NRXN3: variants seen among roughly 807,000 people sequenced by gnomAD.
NRXN3 encodes neurexin 3.
In NRXN3, 32 loss-of-function variants were observed where a neutral mutation model predicts 137.6. The observed-to-expected ratio is 0.23, with a 90% CI of 0.18 to 0.31. The LOEUF (loss-of-function observed/expected upper bound fraction) is 0.31. Ranked by LOEUF, NRXN3 falls within the 10% of genes least tolerant of loss-of-function variation. The probability of loss-of-function intolerance (pLI) is 1.00; values close to 1 mark genes in which losing one functional copy is unlikely to be tolerated. For missense variants in NRXN3, 1,574 were observed against 2,062.5 expected (o/e 0.76, Z 4.59); for synonymous variants, 798 against 784.5 (o/e 1.02, Z -0.29).
At chr14:79,477,043 CAT>C (rs2096565942) in intron 16 of NRXN3, among the ~76,000 whole-genome samples, 1 of 151,752 alleles carries the variant, frequency 6.6e-6, no homozygotes, top group African/African-American at 2.4e-5. Context: ...GAATGAAAAT[CAT>C]ATGTACGAAT....
At chr14:79,602,569 A>G (rs753623812) in intron 16 of NRXN3, among the ~76,000 whole-genome samples, 3 of 152,150 alleles carry the variant, frequency 2.0e-5, no homozygotes, top group Non-Finnish European at 4.4e-5. Flanking sequence ...GGGTTTGGCC[A>G]GTTCTTGGGG....
chr14:79,145,979 C>T (rs1043272484), intron 15 of NRXN3, among the ~76,000 whole-genome samples: 3 of 152,300 alleles, frequency 2.0e-5, no homozygotes, highest in Non-Finnish European at 2.9e-5. Context: ...TTCAAGTTCA[C>T]ACAGCTAATA....
chr14:78,562,064 T>C (rs2096791368), intron 4 of NRXN3, among the ~76,000 whole-genome samples: 1 of 152,202 alleles, frequency 6.6e-6, no homozygotes, highest in Non-Finnish European at 1.5e-5. Flanking sequence ...TGAATGTGGA[T>C]AGGCCCTATG....
intron 4 of NRXN3, among the ~76,000 whole-genome samples, chr14:78,506,643 GTTTTTTTTTTTTTTTT>G (rs71131653): frequency 0.52 from 55,383 of 106,314 alleles, 11,877 homozygotes; most frequent in East Asian, 0.6. Context: ...TCTCATTGTA[GTTTTTTTTTTTTTTTT>G]TTTTTTTTTT....
At chr14:79,400,093 A>G (rs1168944615) in intron 15 of NRXN3, among the ~76,000 whole-genome samples, 2 of 152,212 alleles carry the variant, frequency 1.3e-5, no homozygotes, top group Non-Finnish European at 2.9e-5. Flanking sequence ...CTAATCCAAT[A>G]TGACCTCATT....
In NRXN3 at chr14:78,984,058, C is replaced by T. The variant is rs547357209; in HGVS notation, c.3143-3964C>T. 2.1e-4 allele frequency among the ~76,000 whole-genome samples: 32 copies of T among 150,632 alleles called. No individual in the cohort carries two copies. The East Asian group carries it at 3.9e-3, about 19-fold the overall frequency. ...AGAATAGAATAGTGGCTATAGGAGG[C>T]GGGGGGAGGGGATGGATGGAAAAAT... On this transcript the variant is annotated intron_variant, in intron 14 of 20. Coordinates refer to ENST00000335750, the MANE Select transcript of NRXN3 (RefSeq NM_001330195.2).
At chr14:79,456,571 A>C (rs2096260288) in intron 15 of NRXN3, among the ~76,000 whole-genome samples, 1 of 152,128 alleles carries the variant, frequency 6.6e-6, no homozygotes. Flanking sequence ...TACTAAAAAT[A>C]CAAAAATTAT....
At chr14:79,163,906 T>A (rs72688916) in intron 15 of NRXN3, among the ~76,000 whole-genome samples, 1 of 95,584 alleles carries the variant, frequency 1.0e-5, no homozygotes, top group African/African-American at 3.2e-5. Flanking sequence ...ACAACAACAA[T>A]AATATTTTCT....
At chr14:79,674,624 G>A (rs903179437) in intron 17 of NRXN3, among the ~76,000 whole-genome samples, 2 of 151,906 alleles carry the variant, frequency 1.3e-5, no homozygotes, top group African/African-American at 2.4e-5. Context: ...GAGCACTCCA[G>A]TTTGCATCAT....
At chr14:78,498,349 T>G (rs886175687) in intron 4 of NRXN3, among the ~76,000 whole-genome samples, 8 of 152,160 alleles carry the variant, frequency 5.3e-5, no homozygotes, top group Non-Finnish European at 1.2e-4. Context: ...CTGGCTCTTT[T>G]GTTCTGTGGT....
Position 79,395,808 on chromosome 14 carries a change from C to CA in NRXN3, c.3263-71398dup, listed in dbSNP as rs11300542. Among the ~76,000 whole-genome samples, 814 of 89,202 alleles carry CA rather than the reference C, an allele frequency of 9.1e-3. 4 individuals carry two copies. Among genetic ancestry groups the CA allele is most frequent in the East Asian group, 0.02 (70 of 3,506 alleles). The allele number at this position is 89,202 out of a possible 152,430, so 58.5% of individuals were successfully genotyped here. On this transcript the variant is annotated intron_variant, in intron 15 of 20. Coordinates refer to ENST00000335750, the MANE Select transcript of NRXN3 (RefSeq NM_001330195.2). ...TGGGTGACAGAGCTAGACTCCATCTCAAAAAAAAAAAAAAATGCAGGCTGT... is the reference window on the plus strand; with the variant it reads ...TGGGTGACAGAGCTAGACTCCATCTCAAAAAAAAAAAAAAAATGCAGGCTGT...
At chr14:79,232,227 C>T (rs1027227677) in intron 15 of NRXN3, among the ~76,000 whole-genome samples, 6 of 151,976 alleles carry the variant, frequency 3.9e-5, no homozygotes, top group African/African-American at 1.4e-4. Flanking sequence ...GGAATCATTG[C>T]CCCTTGCCAC....
intron 16 of NRXN3, among the ~76,000 whole-genome samples, chr14:79,555,477 C>T (rs771792892): frequency 1.8e-4 from 28 of 152,192 alleles, no homozygotes; most frequent in Non-Finnish European, 3.5e-4. Context: ...TCGATGTTTG[C>T]CCTCAAGACC....
At chr14:79,231,389 A>C (rs1241394075) in intron 15 of NRXN3, among the ~76,000 whole-genome samples, 1 of 152,188 alleles carries the variant, frequency 6.6e-6, no homozygotes, top group African/African-American at 2.4e-5. Flanking sequence ...TATTAGTGTC[A>C]TAGTGATGAG....
At chr14:79,392,613 G>A (rs1439715087) in intron 15 of NRXN3, among the ~76,000 whole-genome samples, 1 of 152,156 alleles carries the variant, frequency 6.6e-6, no homozygotes, top group Non-Finnish European at 1.5e-5. Context: ...TTGGTCGTTA[G>A]AGAAATGCAA....
intron 19 of NRXN3, among the ~76,000 whole-genome samples, chr14:79,714,989 C>T (rs558286078): frequency 5.9e-5 from 9 of 152,176 alleles, no homozygotes; most frequent in Admixed American, 1.3e-4. Context: ...TGTCTCACTC[C>T]GTCACCCAGG....
At chr14:79,446,041 T>C (rs1470959700) in intron 15 of NRXN3, among the ~76,000 whole-genome samples, 2 of 152,108 alleles carry the variant, frequency 1.3e-5, no homozygotes, top group Non-Finnish European at 2.9e-5. Flanking sequence ...TGCTATAGTG[T>C]TCTAGGGTTT....
At position 78,615,042 on chromosome 14, in the gene NRXN3, C is replaced by T. The variant is rs78935687; in HGVS notation, c.758-30078C>T. ...CGGGATCTTGACGAAGGTAGGGATG[C>T]TCCTCGTATTTCCATGGTTAGATTA... On this transcript the variant is annotated intron_variant, in intron 4 of 20. Coordinates refer to ENST00000335750, the MANE Select transcript of NRXN3 (RefSeq NM_001330195.2). 2,214 of 456,642 alleles carry T rather than the reference C, an allele frequency of 4.8e-3. 10 individuals are homozygous for T. Among genetic ancestry groups the T allele is most frequent in the Non-Finnish European group, 8.3e-3 (1,882 of 226,962 alleles). The allele number at this position is 456,642 out of a possible 1,614,324, so 28.3% of individuals were successfully genotyped here.
At chr14:79,219,888 C>T (rs2069230845) in intron 15 of NRXN3, among the ~76,000 whole-genome samples, 1 of 152,052 alleles carries the variant, frequency 6.6e-6, no homozygotes, top group South Asian at 2.1e-4. Flanking sequence ...TATGCAAAAG[C>T]AAGATAAACA....
Sources: allele counts gnomAD v4.1 joint callset (sites outside exome capture counted in the v4.1 genomes callset), GRCh38; gene constraint gnomAD v4.1.1; transcripts MANE v1.5; gene names NCBI Gene and HGNC (gene_info 2026-07-23, HGNC 2026-07-21).